Variants in CEP89 observed in about 807,000 individuals in gnomAD.
CEP89 encodes the protein centrosomal protein 89.
In CEP89, 95 loss-of-function variants were observed where a neutral mutation model predicts 97.6. The observed-to-expected ratio is 0.97, with a 90% CI of 0.82 to 1.15. The LOEUF is 1.15. Ranked by LOEUF, CEP89 falls within the 50% of genes most tolerant of loss-of-function variation. The pLI is 0.00. For synonymous variants in CEP89, 354 were observed against 349.1 expected (o/e 1.01, Z -0.16); for missense variants, 869 against 947.7 (o/e 0.92, Z 1.09).
At chr19:32,918,401 C>A in intron 12 of CEP89, 62 bp from the exon 13 acceptor site, 1 of 1,229,204 alleles carries the variant, frequency 8.1e-7, no homozygotes. Flanking sequence ...CAGAAACACT[C>A]TGGAATCTAA....
chr19:32,971,584 G>A (rs1317245598), intron 1 of CEP89: 2 of 583,790 alleles, frequency 3.4e-6, no homozygotes, highest in East Asian at 2.8e-5. Flanking sequence ...TTGAGCCCAG[G>A]AGTTCGAGGA....
At chr19:32,923,391 A>T in intron 12 of CEP89, 48 bp downstream of exon 12, 1 of 882,310 alleles carries the variant, frequency 1.1e-6, no homozygotes, top group Non-Finnish European at 1.8e-6. Flanking sequence ...TTTTCCTGTT[A>T]CCATTTGTTT....
At chr19:32,888,682 CA>C (rs141470151) in intron 16 of CEP89, among the ~76,000 whole-genome samples, 393 of 126,542 alleles carry the variant, frequency 3.1e-3, no homozygotes, top group African/African-American at 3.6e-3. Context: ...GATTCTGTCT[CA>C]AAAAAAAAAA....
At chr19:32,962,362 G>A (rs905572777) in intron 2 of CEP89, among the ~76,000 whole-genome samples, 3 of 152,162 alleles carry the variant, frequency 2.0e-5, no homozygotes, top group Admixed American at 2.0e-4. Flanking sequence ...ATGCAGAACT[G>A]TGAGTCAATT....
intron 15 of CEP89, among the ~76,000 whole-genome samples, chr19:32,900,650 T>C (rs1029435778): frequency 2.0e-5 from 3 of 152,146 alleles, no homozygotes; most frequent in Admixed American, 6.5e-5. Context: ...AATTCCAAAG[T>C]AGACTTTTAG....
At chr19:32,971,171 G>A (rs369744354) in intron 1 of CEP89, 20 of 236,184 alleles carry the variant, frequency 8.5e-5, no homozygotes, top group African/African-American at 4.5e-4. Flanking sequence ...GGGTGTGGGT[G>A]GAGATGGGAA....
intron 7 of CEP89, 59 bp from the exon 8 acceptor site, chr19:32,933,728 A>G: frequency 8.8e-7 from 1 of 1,131,676 alleles, no homozygotes; most frequent in Non-Finnish European, 1.3e-6. Context: ...TGTTACATCA[A>G]AATCAACTGA....
At chr19:32,904,695 G>A (rs377575489) in intron 14 of CEP89, among the ~76,000 whole-genome samples, 5 of 151,498 alleles carry the variant, frequency 3.3e-5, no homozygotes, top group Non-Finnish European at 7.4e-5. Flanking sequence ...AGGTTCAAGC[G>A]GTTCTCCTGC....
intron 16 of CEP89, among the ~76,000 whole-genome samples, chr19:32,893,026 C>A (rs1468024964): frequency 6.6e-6 from 1 of 151,870 alleles, no homozygotes; most frequent in Non-Finnish European, 1.5e-5. Flanking sequence ...AGGAGTAAGT[C>A]CTCGCATATC....
chr19:32,958,765 C>G (rs1231815407), intron 3 of CEP89, among the ~76,000 whole-genome samples: 3 of 152,094 alleles, frequency 2.0e-5, no homozygotes, highest in African/African-American at 7.2e-5. Flanking sequence ...GTTTGTAATC[C>G]CAGCACTTTG....
chr19:32,937,316 C>T (rs1465034446), intron 7 of CEP89, among the ~76,000 whole-genome samples: 3 of 151,968 alleles, frequency 2.0e-5, no homozygotes, highest in Non-Finnish European at 2.9e-5. Flanking sequence ...GATCCCAGCA[C>T]ATCCCACAGG....
chr19:32,933,645 C>T lies in CEP89; in HGVS notation c.692G>A (p.Arg231Lys). ...SPDITGRARQ[R>K]YTEITREKFE... ...CTTTTCTCTGGTTATTTCTGTATAT[C>T]TTTGACGTGCTCTACCAGTTATATC... Residue 231 changes from arginine to lysine, a missense_variant, in exon 8 of 19, where the codon AGA becomes AAA. Physicochemically the swap from Arg to Lys is conservative, Grantham distance 26 (BLOSUM62 2). Transcript: ENST00000305768. The T allele has an allele frequency of 4.3e-6, 7 of 1,610,556 alleles. No individual in the cohort carries two copies. Among genetic ancestry groups the T allele is most frequent in the Non-Finnish European group, 5.9e-6 (7 of 1,176,970 alleles).
At chr19:32,886,203 G>A (rs1969391518) in intron 17 of CEP89, among the ~76,000 whole-genome samples, 1 of 152,208 alleles carries the variant, frequency 6.6e-6, no homozygotes, top group Non-Finnish European at 1.5e-5. Context: ...TTCCTGGTAA[G>A]TTTTCAGCAG....
Position 32,947,269 on chromosome 19 carries a change from T to C in CEP89, c.595+997A>G, listed in dbSNP as rs1970815761. Among the ~76,000 whole-genome samples the C allele has an allele frequency of 3.3e-5, 5 of 152,280 alleles. No homozygotes were observed. The South Asian group carries it at 1.0e-3, about 32-fold the overall frequency. On this transcript the variant is annotated intron_variant, in intron 5 of 18. Transcript: ENST00000305768. ...GAATTCTCTCATTGGGATAATCAAA[T>C]AGATATATGTCCACGTACTCATTCA...
At position 32,971,955 on chromosome 19, in the gene CEP89, C is replaced by G; in HGVS notation, c.-81G>C. 2.7e-6 allele frequency: 4 copies of G among 1,467,162 alleles called. No individual in the cohort carries two copies. The highest frequency in any genetic ancestry group is 3.7e-6 in the Non-Finnish European group (4 of 1,070,258). 90.9% of individuals were successfully genotyped at this position (1,467,162 alleles called of 1,614,324 possible). A position where few individuals can be genotyped will look rare whatever the true frequency, so the allele number is the denominator to read the frequency against. ...CAGCCAGGGACCACTCCCTAAAGCC[C>G]GCCGCAGGCCCAGCCCTCACGCTTT... On this transcript the variant is annotated 5_prime_UTR_variant, in exon 1 of 19. Coordinates refer to ENST00000305768, the MANE Select transcript of CEP89 (RefSeq NM_032816.5).
chr19:32,933,742 TG>T (rs754177376), intron 7 of CEP89, 73 bp from the exon 8 acceptor site: 1 of 1,054,618 alleles, frequency 9.5e-7, no homozygotes, highest in Non-Finnish European at 1.4e-6. Context: ...CAACTGACTT[TG>T]TTCCAAAAAC....
chr19:32,926,190 C>CT lies in CEP89; in HGVS notation c.1163dup (p.Glu389GlyfsTer7). ...TCTTCTGGGACATTTGCCAGCCTAC[C>CT]TTGAGGGTGGCATTGAGCTCGTCCT... On this transcript the variant is annotated frameshift_variant and splice_region_variant, in exon 11 of 19. Transcript: ENST00000305768. LOFTEE classifies it high-confidence loss of function. The CT allele has an allele frequency of 6.2e-7, 1 of 1,608,110 alleles. No homozygotes were observed. The highest frequency in any genetic ancestry group is 8.5e-7 in the Non-Finnish European group (1 of 1,174,910).
rs1393441172 is a variant in CEP89 at position 32,875,938 on chromosome 19, T to C, written c.*3224A>G. 2 of 152,166 alleles carry C rather than the reference T, an allele frequency of 1.3e-5. No individual in the cohort carries two copies. Among genetic ancestry groups the C allele is most frequent in the East Asian group, 3.8e-4 (2 of 5,196 alleles). The allele number at this position is 152,166 out of a possible 1,614,324, so 9.4% of individuals were successfully genotyped here. ...AGGAAGCAGGCCTGGGTGTTATTTCTTTTTTAATTGTCTATATAACAAAAT... is the reference window on the plus strand; with the variant it reads ...AGGAAGCAGGCCTGGGTGTTATTTCCTTTTTAATTGTCTATATAACAAAAT... On this transcript the variant is annotated 3_prime_UTR_variant, in exon 19 of 19. Transcript: ENST00000305768.
chr19:32,958,062 T>C (rs1293096732), intron 3 of CEP89, among the ~76,000 whole-genome samples: 3 of 149,858 alleles, frequency 2.0e-5, no homozygotes, highest in African/African-American at 4.9e-5. Flanking sequence ...CCAGCACTCC[T>C]GTGGGTCAGA....
Sources: gnomAD v4.1 joint callset for allele counts (sites outside exome capture counted in the v4.1 genomes callset) on GRCh38, gnomAD v4.1.1 for gene constraint, MANE v1.5 for transcripts, NCBI Gene and HGNC (gene_info 2026-07-23, HGNC 2026-07-21) for gene names.